C12orf60: variants seen among roughly 807,000 people sequenced by gnomAD.
C12orf60 encodes chromosome 12 open reading frame 60.
For missense variants in C12orf60, 284 were observed against 283.2 expected, an observed-to-expected ratio of 1.00 and a Z score of -0.02; for synonymous variants, 102 against 94.6, an observed-to-expected ratio of 1.08 and a Z score of -0.45.
intron 1 of C12orf60, among the ~76,000 whole-genome samples, chr12:14,816,996 G>T (rs1466944687): frequency 1.3e-5 from 2 of 152,064 alleles, no homozygotes; most frequent in Non-Finnish European, 2.9e-5. Context: ...GCCTACCTCA[G>T]TCTCCCAAAG....
At position 14,823,188 on chromosome 12, in the gene C12orf60, T is replaced by C. The variant is rs1950332817; in HGVS notation, c.253T>C (p.Ser85Pro). ...DARHDKIQKE[S>P]LCSKVAMAMC... ...AAGACATGACAAAATTCAAAAGGAG[T>C]CTTTATGTTCCAAGGTTGCAATGGC... The change falls in exon 2 of 2, where the codon TCT becomes CCT. Residue 85 changes from serine to proline, a missense_variant. Ser to Pro is a moderately conservative substitution (Grantham distance 74, BLOSUM62 -1). Coordinates refer to ENST00000330828, the MANE Select transcript of C12orf60 (RefSeq NM_175874.4). The C allele has an allele frequency of 6.2e-7, 1 of 1,613,392 alleles. No homozygotes were observed. Among genetic ancestry groups the C allele is most frequent in the African/African-American group, 1.3e-5 (1 of 74,656 alleles).
chr12:14,823,048 G>C lies in C12orf60; in HGVS notation c.113G>C (p.Ser38Thr). ...ATAAACACACTGACTGAATTGTTTA[G>C]CCGCAGTATGAATACTCAAATCCTT... The part of the protein sequence containing the change: ...SVINTLTELF[S>T]RSMNTQILLM... The change falls in exon 2 of 2, where the codon AGC becomes ACC. Residue 38 changes from serine to threonine, a missense_variant. Transcript: ENST00000330828. 1.2e-6 allele frequency: 2 copies of C among 1,614,072 alleles called. No homozygotes were observed. The highest frequency in any genetic ancestry group is 1.7e-6 in the Non-Finnish European group (2 of 1,179,948).
intron 1 of C12orf60, among the ~76,000 whole-genome samples, chr12:14,820,191 A>G (rs1950283946): frequency 1.3e-5 from 2 of 151,968 alleles, no homozygotes; most frequent in African/African-American, 2.4e-5. Context: ...TCCTTTTTAT[A>G]TCTGTAGGGT....
intron 1 of C12orf60, among the ~76,000 whole-genome samples, chr12:14,816,313 C>A (rs1008949919): frequency 6.6e-6 from 1 of 152,080 alleles, no homozygotes. Flanking sequence ...CTTTATTTTC[C>A]CTTTTATCCT....
intron 1 of C12orf60, among the ~76,000 whole-genome samples, chr12:14,818,630 T>C (rs1217004354): frequency 6.6e-6 from 1 of 151,778 alleles, no homozygotes; most frequent in Admixed American, 6.6e-5. Flanking sequence ...ATACAAAAAA[T>C]TTAGCTGGAC....
chr12:14,809,503 T>A (rs1202541999), intron 1 of C12orf60, among the ~76,000 whole-genome samples: 13 of 152,184 alleles, frequency 8.5e-5, no homozygotes, highest in Non-Finnish European at 2.9e-5. Context: ...CCCTTCTATC[T>A]GTTTAATAAT....
chr12:14,805,831 C>G lies in C12orf60; in HGVS notation c.-25+2080C>G, dbSNP rs867109281. ...CATCAGCTGATCCAGGCATTGTTGA[C>G]TCAAAACTCATCTAGTCATCTAGTC... On this transcript the variant is annotated intron_variant, in intron 1 of 1. Coordinates refer to ENST00000330828, the MANE Select transcript of C12orf60 (RefSeq NM_175874.4). 4 of 725,616 alleles carry G rather than the reference C, an allele frequency of 5.5e-6. No homozygotes were observed. In the African/African-American group the frequency reaches 7.1e-5, roughly 13 times the overall value. The allele number at this position is 725,616 out of a possible 1,614,324, so 44.9% of individuals were successfully genotyped here. A position where few individuals can be genotyped will look rare whatever the true frequency, so the allele number is the denominator to read the frequency against.
At position 14,824,368 on chromosome 12, in the gene C12orf60, G is replaced by T. The variant is rs1950347765; in HGVS notation, c.*695G>T. 1 of 152,186 alleles carries T rather than the reference G, an allele frequency of 6.6e-6. No individual in the cohort carries two copies. The highest frequency in any genetic ancestry group is 1.5e-5 in the Non-Finnish European group (1 of 68,030). The allele number at this position is 152,186 out of a possible 1,614,324, so 9.4% of individuals were successfully genotyped here. A position where few individuals can be genotyped will look rare whatever the true frequency, so the allele number is the denominator to read the frequency against. ...AAACACTTGCAGAAGTAGGATATCTGAGATGTGCTTTATTTAAAGAAATGA... is the reference window on the plus strand; with the variant it reads ...AAACACTTGCAGAAGTAGGATATCTTAGATGTGCTTTATTTAAAGAAATGA... On this transcript the variant is annotated 3_prime_UTR_variant, in exon 2 of 2. Coordinates refer to ENST00000330828, the MANE Select transcript of C12orf60 (RefSeq NM_175874.4).
At chr12:14,817,095 A>C (rs1044997837) in intron 1 of C12orf60, among the ~76,000 whole-genome samples, 5 of 152,110 alleles carry the variant, frequency 3.3e-5, no homozygotes, top group African/African-American at 4.8e-5. Context: ...TTTTTTCTTT[A>C]ATGGATATGC....
chr12:14,813,430 TTTAA>T lies in C12orf60; in HGVS notation c.-24-9477_-24-9474del, dbSNP rs1350258635. ...TTAATTCAAATAAAAATCTGTGGCC[TTTAA>T]TTAAAACAAAAATTGATCATGATGT... On this transcript the variant is annotated intron_variant, in intron 1 of 1. Transcript: ENST00000330828. Among the ~76,000 whole-genome samples, 4 of 152,338 alleles carry T rather than the reference TTTAA, an allele frequency of 2.6e-5. No homozygotes were observed. The East Asian group carries it at 7.7e-4, about 29-fold the overall frequency.
At chr12:14,807,254 A>G (rs933745614) in intron 1 of C12orf60, among the ~76,000 whole-genome samples, 11 of 152,212 alleles carry the variant, frequency 7.2e-5, no homozygotes, top group Non-Finnish European at 1.5e-4. Flanking sequence ...GTGGTGAGAA[A>G]TATTCATCGT....
chr12:14,808,523 G>C (rs959375336), intron 1 of C12orf60, among the ~76,000 whole-genome samples: 1 of 152,078 alleles, frequency 6.6e-6, no homozygotes, highest in Non-Finnish European at 1.5e-5. Context: ...TTCTTATTCT[G>C]CTTAAGGGGA....
At chr12:14,807,773 A>G (rs567484031) in intron 1 of C12orf60, among the ~76,000 whole-genome samples, 1 of 152,348 alleles carries the variant, frequency 6.6e-6, no homozygotes, top group East Asian at 1.9e-4. Context: ...AAGCTTATAA[A>G]TTAAATTATT....
chr12:14,810,789 T>C (rs535330906), intron 1 of C12orf60, among the ~76,000 whole-genome samples: 2 of 152,322 alleles, frequency 1.3e-5, no homozygotes, highest in Admixed American at 1.3e-4. Flanking sequence ...AGAACCATAG[T>C]TGGCAGTGTG....
intron 1 of C12orf60, among the ~76,000 whole-genome samples, chr12:14,810,055 A>T (rs1950112402): frequency 6.6e-6 from 1 of 152,236 alleles, no homozygotes; most frequent in Non-Finnish European, 1.5e-5. Flanking sequence ...CTTCGTTCCA[A>T]TAACGAGTTT....
At chr12:14,806,410 G>C in intron 1 of C12orf60, 1 of 1,614,142 alleles carries the variant, frequency 6.2e-7, no homozygotes, top group South Asian at 1.1e-5. Flanking sequence ...GTTGGCTCTA[G>C]CTTATCTTTT....
rs759820622 is a variant in C12orf60, at chr12:14,823,482, A to T, written c.547A>T (p.Thr183Ser). Residue 183 changes from threonine to serine, a missense_variant, in exon 2 of 2, where the codon ACT becomes TCT. Transcript: ENST00000330828. ...AAGTCCTCCAGGTTCTTCCAAAACC[A>T]CTATGATAGACACCTTGAAAAAACT... is the stretch of plus-strand genomic sequence containing the variant. ...TRSPPGSSKT[T>S]MIDTLKKLQD... 1 of 1,603,326 alleles carries T rather than the reference A, an allele frequency of 6.2e-7. No individual in the cohort carries two copies. The highest frequency in any genetic ancestry group is 1.1e-5 in the South Asian group (1 of 89,548).
Position 14,823,519 on chromosome 12 carries a change from T to C in C12orf60, c.584T>C (p.Leu195Pro), listed in dbSNP as rs202161739. 261 of 1,613,676 alleles carry C rather than the reference T, an allele frequency of 1.6e-4. No homozygotes were observed. In the East Asian group the frequency reaches 5.8e-3, roughly 36 times the overall value. The change falls in exon 2 of 2, where the codon CTA becomes CCA. Residue 195 changes from leucine (L) to proline (P), a missense_variant. Leu to Pro is a moderately conservative substitution (Grantham distance 98). Coordinates refer to ENST00000330828, the MANE Select transcript of C12orf60 (RefSeq NM_175874.4). ...ACCTTGAAAAAACTGCAGGATGTACTAAAAACTGAGGATTCCAAAAATCCC... is the reference window on the plus strand; with the variant it reads ...ACCTTGAAAAAACTGCAGGATGTACCAAAAACTGAGGATTCCAAAAATCCC... ...IDTLKKLQDV[L>P]KTEDSKNPTK...
chr12:14,816,112 A>G (rs1950212906), intron 1 of C12orf60, among the ~76,000 whole-genome samples: 1 of 152,170 alleles, frequency 6.6e-6, no homozygotes, highest in African/African-American at 2.4e-5. Flanking sequence ...AATAGTCAGA[A>G]CTGAACCTTA....
Sources: allele counts gnomAD v4.1 joint callset (sites outside exome capture counted in the v4.1 genomes callset), GRCh38; gene constraint gnomAD v4.1.1; transcripts MANE v1.5; gene names NCBI Gene and HGNC (gene_info 2026-07-23, HGNC 2026-07-21).